ADAM23: variants seen among roughly 807,000 people sequenced by gnomAD.
The protein encoded by ADAM23 is ADAM metallopeptidase domain 23, also known as disintegrin and metalloproteinase domain-containing protein 23.
Under a neutral mutation model 120.1 loss-of-function variants are expected in ADAM23, and 33 were observed. The observed-to-expected ratio is 0.27, with a 90% CI of 0.21 to 0.37. The LOEUF (loss-of-function observed/expected upper bound fraction) is 0.37, where lower values mean the gene tolerates loss of function less well. Ranked by LOEUF, ADAM23 falls within the 10% of genes least tolerant of loss-of-function variation. ADAM23 has a pLI of 1.00. For missense variants in ADAM23, 862 were observed against 1,058.2 expected (o/e 0.81, Z 2.57); for synonymous variants, 367 against 375.2 (o/e 0.98, Z 0.25).
intron 9 of ADAM23, among the ~76,000 whole-genome samples, chr2:206,551,550 G>A (rs1697526552): frequency 6.6e-6 from 1 of 152,142 alleles, no homozygotes; most frequent in African/African-American, 2.4e-5. Flanking sequence ...AACAAAAATT[G>A]AAATTGCTTT....
intron 4 of ADAM23, among the ~76,000 whole-genome samples, chr2:206,541,766 A>G (rs1014943237): frequency 1.3e-5 from 2 of 152,154 alleles, no homozygotes; most frequent in Admixed American, 6.5e-5. Context: ...AAGTACCTGT[A>G]CTCCTACAAT....
At chr2:206,569,063 G>A (rs1338011046) in intron 15 of ADAM23, among the ~76,000 whole-genome samples, 1 of 152,324 alleles carries the variant, frequency 6.6e-6, no homozygotes, top group South Asian at 2.1e-4. Context: ...TTCAAAATGG[G>A]TGAAATAAGT....
intron 24 of ADAM23, among the ~76,000 whole-genome samples, chr2:206,603,200 A>G (rs191169393): frequency 2.0e-5 from 3 of 152,304 alleles, no homozygotes; most frequent in East Asian, 3.9e-4. Flanking sequence ...ATTTTTTTCA[A>G]TGAGATGATA....
At chr2:206,576,391 A>T (rs1698113010) in intron 18 of ADAM23, among the ~76,000 whole-genome samples, 1 of 152,042 alleles carries the variant, frequency 6.6e-6, no homozygotes, top group Non-Finnish European at 1.5e-5. Flanking sequence ...TCTTTGTTTA[A>T]CCTAATATTC....
At chr2:206,558,795 C>T (rs1215769062) in intron 10 of ADAM23, among the ~76,000 whole-genome samples, 2 of 152,106 alleles carry the variant, frequency 1.3e-5, no homozygotes, top group Admixed American at 1.3e-4. Context: ...TGAAGCTGAC[C>T]ACTAATTTTT....
intron 3 of ADAM23, among the ~76,000 whole-genome samples, chr2:206,515,693 T>C (rs992157552): frequency 6.6e-6 from 1 of 152,174 alleles, no homozygotes; most frequent in African/African-American, 2.4e-5. Flanking sequence ...TTTTACTGTT[T>C]TAATATAAAT....
At chr2:206,565,144 T>G in intron 14 of ADAM23, 76 bp downstream of exon 14, 1 of 1,362,880 alleles carries the variant, frequency 7.3e-7, no homozygotes. Flanking sequence ...ACAAGGTCTC[T>G]CGGGTATTGG....
chr2:206,573,423 AT>A (rs1698044638), intron 18 of ADAM23, among the ~76,000 whole-genome samples: 2 of 152,194 alleles, frequency 1.3e-5, no homozygotes, highest in African/African-American at 2.4e-5. Flanking sequence ...TTTATGTAAT[AT>A]TTTAAGTAAT....
At chr2:206,552,105 G>C (rs1697539720) in intron 9 of ADAM23, among the ~76,000 whole-genome samples, 2 of 151,960 alleles carry the variant, frequency 1.3e-5, no homozygotes, top group South Asian at 4.1e-4. Context: ...TGAGCATTGT[G>C]GCATGTTGTG....
chr2:206,450,242 G>A (rs1695164829), intron 2 of ADAM23, among the ~76,000 whole-genome samples: 1 of 152,156 alleles, frequency 6.6e-6, no homozygotes, highest in South Asian at 2.1e-4. Flanking sequence ...TTTATACTGT[G>A]GAACATGGGG....
intron 6 of ADAM23, among the ~76,000 whole-genome samples, chr2:206,545,880 GAACAAAA>G (rs1473052474): frequency 1.3e-5 from 2 of 152,098 alleles, no homozygotes; most frequent in Non-Finnish European, 2.9e-5. Context: ...AATCCACAAA[GAACAAAA>G]CACAGATTCC....
intron 4 of ADAM23, among the ~76,000 whole-genome samples, 182 bp from the exon 5 acceptor site, chr2:206,541,870 G>A (rs35055451): frequency 0.072 from 10,910 of 152,120 alleles, 437 homozygotes; most frequent in Middle Eastern, 0.11. Context: ...ACACATGCTT[G>A]TTATAAAAAA....
At chr2:206,499,698 GGTTTA>G (rs1696347843) in intron 3 of ADAM23, among the ~76,000 whole-genome samples, 1 of 152,056 alleles carries the variant, frequency 6.6e-6, no homozygotes, top group Admixed American at 6.6e-5. Flanking sequence ...TCCTTTGAGA[GGTTTA>G]GTTAACTCTG....
At chr2:206,466,067 A>G (rs1005592656) in intron 2 of ADAM23, among the ~76,000 whole-genome samples, 1 of 152,240 alleles carries the variant, frequency 6.6e-6, no homozygotes, top group Non-Finnish European at 1.5e-5. Flanking sequence ...GTATATGACA[A>G]TGTATATGAT....
intron 18 of ADAM23, among the ~76,000 whole-genome samples, chr2:206,582,238 T>C (rs1349120700): frequency 1.3e-5 from 2 of 152,224 alleles, no homozygotes; most frequent in Admixed American, 6.5e-5. Context: ...GTTAGGTGCA[T>C]ATATGTTTAG....
In ADAM23 at chr2:206,589,397, T is replaced by C. The variant is rs1465194853; in HGVS notation, c.1853-12T>C. ...TGAAAATTAATTTTCTTCTCTTGCCTATCTCCAAAAGAGGCTGCAGGGTCT... is the reference window on the plus strand; with the variant it reads ...TGAAAATTAATTTTCTTCTCTTGCCCATCTCCAAAAGAGGCTGCAGGGTCT... On this transcript the variant is annotated splice_polypyrimidine_tract_variant and intron_variant, in intron 20 of 25. Coordinates refer to ENST00000264377, the MANE Select transcript of ADAM23 (RefSeq NM_003812.4). 2 of 1,609,746 alleles carry C rather than the reference T, an allele frequency of 1.2e-6. No individual in the cohort carries two copies. The highest frequency in any genetic ancestry group is 2.2e-5 in the South Asian group (2 of 90,382).
At chr2:206,571,847 T>C in intron 17 of ADAM23, 31 bp downstream of exon 17, 1 of 1,578,626 alleles carries the variant, frequency 6.3e-7, no homozygotes, top group Non-Finnish European at 8.7e-7. Context: ...ATCTTTCTTT[T>C]AATTGACAGA....
chr2:206,587,218 A>G (rs964604715), intron 18 of ADAM23, 107 bp from the exon 19 acceptor site: 14 of 738,102 alleles, frequency 1.9e-5, no homozygotes, highest in Admixed American at 8.2e-5. Flanking sequence ...GTTTTTCTCA[A>G]TGTTTCTAGT....
At chr2:206,465,828 G>C (rs1004335264) in intron 2 of ADAM23, among the ~76,000 whole-genome samples, 1 of 152,090 alleles carries the variant, frequency 6.6e-6, no homozygotes, top group African/African-American at 2.4e-5. Flanking sequence ...ACAGATGTAG[G>C]AATGAAGTGA....
Sources: allele counts gnomAD v4.1 joint callset (sites outside exome capture counted in the v4.1 genomes callset), GRCh38; gene constraint gnomAD v4.1.1; transcripts MANE v1.5; gene names NCBI Gene and HGNC (gene_info 2026-07-23, HGNC 2026-07-21).